Variants in FSTL4 observed in about 807,000 individuals in gnomAD.
FSTL4 encodes the protein follistatin like 4.
FSTL4 carries 28 observed loss-of-function variants against 78.2 expected under a neutral mutation model. The observed-to-expected ratio is 0.36, with a 90% confidence interval of 0.27 to 0.49. FSTL4 has a LOEUF of 0.49. Among genes scored for constraint, FSTL4 ranks in the 20% least tolerant of loss-of-function variants. The pLI is 0.98. For missense variants in FSTL4, 922 were observed against 1,084.9 expected, an observed-to-expected ratio of 0.85 and a Z score of 2.11; for synonymous variants, 422 against 440.5, an observed-to-expected ratio of 0.96 and a Z score of 0.53.
At chr5:133,435,313 T>A (rs910160392) in intron 3 of FSTL4, among the ~76,000 whole-genome samples, 6 of 152,260 alleles carry the variant, frequency 3.9e-5, no homozygotes, top group Admixed American at 3.9e-4. Flanking sequence ...ATTCTGGGAA[T>A]AGCATGTGCT....
intron 3 of FSTL4, among the ~76,000 whole-genome samples, chr5:133,560,319 A>C (rs1461077046): frequency 1.3e-5 from 2 of 152,148 alleles, no homozygotes; most frequent in African/African-American, 4.8e-5. Flanking sequence ...TTATATCTGT[A>C]ATGCTTAAGG....
chr5:133,835,488 C>G, the FSTL4 span, among the ~76,000 whole-genome samples: 21 of 152,166 alleles, frequency 1.4e-4, no homozygotes, highest in East Asian at 3.9e-3. Context: ...AGTTAGACAC[C>G]CAGGAAGCAG....
the FSTL4 span, among the ~76,000 whole-genome samples, chr5:133,676,354 C>G: frequency 6.6e-6 from 1 of 152,186 alleles, no homozygotes; most frequent in Admixed American, 6.5e-5. Flanking sequence ...GGAGAAAACT[C>G]ATAACAATAC....
In FSTL4 at chr5:133,210,283, G is replaced by C. The variant is rs1750664292; in HGVS notation, c.1624C>G (p.Pro542Ala). The change falls in exon 14 of 16, where the codon CCT (proline) becomes GCT (alanine). Residue 542 changes from proline to alanine, a missense_variant. Pro to Ala is a conservative substitution (Grantham distance 27). Transcript: ENST00000265342. ...QKVLQSIGVD[P>A]LPAKLSYDKS... ...TCATAGGACAGCTTAGCCGGCAGAG[G>C]GTCCACACCTATGGACTTGAAAAAA... is the stretch of plus-strand genomic sequence containing the variant. The C allele has an allele frequency of 6.2e-7, 1 of 1,601,488 alleles. No individual in the cohort carries two copies. The highest frequency in any genetic ancestry group is 1.7e-5 in the Admixed American group (1 of 59,932).
the FSTL4 span, among the ~76,000 whole-genome samples, chr5:133,738,011 T>A: frequency 6.6e-6 from 1 of 152,154 alleles, no homozygotes; most frequent in Non-Finnish European, 1.5e-5. Flanking sequence ...AGTGCCTGTT[T>A]CTCCGGGCTC....
At chr5:133,613,820 A>G (rs912951750), upstream of FSTL4, among the ~76,000 whole-genome samples, 8 of 152,196 alleles carry the variant, frequency 5.3e-5, no homozygotes, top group African/African-American at 1.9e-4. Flanking sequence ...TGTGGATACC[A>G]TGATTTTTAC....
At chr5:133,545,269 A>G (rs1057113017) in intron 3 of FSTL4, among the ~76,000 whole-genome samples, 3 of 152,170 alleles carry the variant, frequency 2.0e-5, no homozygotes, top group Non-Finnish European at 2.9e-5. Context: ...TGTTGGGGGT[A>G]GAGTCTTTAA....
the FSTL4 span, among the ~76,000 whole-genome samples, chr5:133,733,848 G>C: frequency 2.0e-5 from 3 of 152,322 alleles, no homozygotes; most frequent in Middle Eastern, 0.01. Flanking sequence ...CTCATTCAAA[G>C]GTCTGACCGA....
chr5:133,362,533 C>T (rs927225848), intron 4 of FSTL4, among the ~76,000 whole-genome samples: 3 of 152,256 alleles, frequency 2.0e-5, no homozygotes, highest in Admixed American at 1.3e-4. Flanking sequence ...TCACCCAGCA[C>T]GTAGCCTGAG....
intron 3 of FSTL4, among the ~76,000 whole-genome samples, chr5:133,407,123 A>T (rs2126976680): frequency 6.6e-6 from 1 of 152,302 alleles, no homozygotes; most frequent in Non-Finnish European, 1.5e-5. Flanking sequence ...CACCTCAGGG[A>T]CACATAGCTT....
the FSTL4 span, among the ~76,000 whole-genome samples, chr5:133,828,819 G>T: frequency 6.6e-6 from 1 of 152,218 alleles, no homozygotes; most frequent in Non-Finnish European, 1.5e-5. Flanking sequence ...TAGCAAAGAT[G>T]ATGCAAAATA....
chr5:133,526,115 T>G (rs147983731), intron 3 of FSTL4, among the ~76,000 whole-genome samples: 1 of 152,280 alleles, frequency 6.6e-6, no homozygotes, highest in East Asian at 1.9e-4. Context: ...CACTGTGATT[T>G]TCTAACTACA....
chr5:133,297,898 C>A (rs1428342705), intron 6 of FSTL4, among the ~76,000 whole-genome samples: 2 of 152,176 alleles, frequency 1.3e-5, no homozygotes, highest in East Asian at 1.9e-4. Context: ...ACCAACAGTC[C>A]CCCATCCCTC....
chr5:133,423,949 AG>A lies in FSTL4; in HGVS notation c.161-22964del, dbSNP rs552049758. 1.8e-4 allele frequency among the ~76,000 whole-genome samples: 28 copies of A among 152,306 alleles called. No individual in the cohort carries two copies. The East Asian group carries it at 5.2e-3, about 28-fold the overall frequency. On this transcript the variant is annotated intron_variant, in intron 3 of 15. Coordinates refer to ENST00000265342, the MANE Select transcript of FSTL4 (RefSeq NM_015082.2). ...TGAGCTGGAGCCCAGCATGGAGCTG[AG>A]GAACAGCGCTGGGGTCCCGGCGGTT...
the FSTL4 span, among the ~76,000 whole-genome samples, chr5:133,675,227 A>G: frequency 6.6e-6 from 1 of 152,226 alleles, no homozygotes; most frequent in Non-Finnish European, 1.5e-5. Flanking sequence ...AACAGCTAGC[A>G]CAAAGGAGCT....
chr5:133,832,168 C>T, the FSTL4 span, among the ~76,000 whole-genome samples: 6 of 152,210 alleles, frequency 3.9e-5, no homozygotes, highest in East Asian at 3.8e-4. Flanking sequence ...CTTGCGATTT[C>T]GCCTCCTGCA....
intron 3 of FSTL4, among the ~76,000 whole-genome samples, chr5:133,403,196 C>A (rs1756277243): frequency 6.6e-6 from 1 of 152,228 alleles, no homozygotes; most frequent in Non-Finnish European, 1.5e-5. Flanking sequence ...GTTTTAATAA[C>A]CTTCCCATGC....
chr5:133,525,061 C>A (rs376109653), intron 3 of FSTL4, among the ~76,000 whole-genome samples: 1 of 152,216 alleles, frequency 6.6e-6, no homozygotes, highest in Non-Finnish European at 1.5e-5. Flanking sequence ...GTCTTCCCAG[C>A]AGACGGGTGC....
rs559792753 is a variant in FSTL4 at position 133,316,484 on chromosome 5, T to C, written c.578A>G (p.His193Arg). 9.9e-6 allele frequency: 16 copies of C among 1,614,042 alleles called. No individual in the cohort carries two copies. Among genetic ancestry groups the C allele is most frequent in the African/African-American group, 6.7e-5 (5 of 75,022 alleles). ...CTGAGCCAGTTCGGAGCTGCTGAGGTGGCCATTGCCATCTGCATCTAAGTC... is the reference window on the plus strand; with the variant it reads ...CTGAGCCAGTTCGGAGCTGCTGAGGCGGCCATTGCCATCTGCATCTAAGTC... ...FRDLDADGNG[H>R]LSSSELAQHV... The change falls in exon 5 of 16, where the codon CAC becomes CGC. Residue 193 changes from histidine to arginine, a missense_variant. Coordinates refer to ENST00000265342, the MANE Select transcript of FSTL4 (RefSeq NM_015082.2).
Sources: gnomAD v4.1 joint callset for allele counts (sites outside exome capture counted in the v4.1 genomes callset) on GRCh38, gnomAD v4.1.1 for gene constraint, MANE v1.5 for transcripts, NCBI Gene and HGNC (gene_info 2026-07-23, HGNC 2026-07-21) for gene names.